CGGBP1: variants seen among roughly 807,000 people sequenced by gnomAD.
The protein encoded by CGGBP1 is CGG triplet repeat binding protein 1.
Under a neutral mutation model 11.4 loss-of-function variants are expected in CGGBP1, and 4 were observed. That is an observed-to-expected ratio of 0.35 (90% CI 0.17 to 0.80). CGGBP1 has a LOEUF of 0.80. Ranked by LOEUF, CGGBP1 falls within the 30% of genes least tolerant of loss-of-function variation. CGGBP1 has a pLI of 0.52. For synonymous variants in CGGBP1, 76 were observed against 74.1 expected, an observed-to-expected ratio of 1.03 and a Z score of -0.13; for missense variants, 135 against 202.1, an observed-to-expected ratio of 0.67 and a Z score of 2.01.
At chr3:88,102,212 T>C (rs2107721504) in intron 2 of CGGBP1, among the ~76,000 whole-genome samples, 1 of 152,248 alleles carries the variant, frequency 6.6e-6, no homozygotes, top group African/African-American at 2.4e-5. Context: ...TTCTTGGATC[T>C]GTGGGCTTAC....
chr3:88,065,598 T>C (rs1707151256), intron 2 of CGGBP1, among the ~76,000 whole-genome samples: 1 of 152,202 alleles, frequency 6.6e-6, no homozygotes, highest in Non-Finnish European at 1.5e-5. Context: ...GGTATGCTTA[T>C]GGCTGAATTT....
intron 2 of CGGBP1, among the ~76,000 whole-genome samples, chr3:88,134,122 G>C (rs1280523161): frequency 6.6e-6 from 1 of 151,654 alleles, no homozygotes; most frequent in Admixed American, 6.6e-5. Flanking sequence ...AAAAGGTGGG[G>C]GGTAGTGGAC....
At chr3:88,095,867 C>T in intron 2 of CGGBP1, 1 of 451,754 alleles carries the variant, frequency 2.2e-6, no homozygotes, top group Non-Finnish European at 4.3e-6. Context: ...TCAGCAGATA[C>T]TCCACTTGCC....
chr3:88,085,324 C>T (rs1448477842), intron 2 of CGGBP1, among the ~76,000 whole-genome samples: 1 of 152,204 alleles, frequency 6.6e-6, no homozygotes, highest in Non-Finnish European at 1.5e-5. Flanking sequence ...AAAGCAGCCA[C>T]AGACAATACA....
At chr3:88,147,810 T>C (rs776143294) in intron 1 of CGGBP1, among the ~76,000 whole-genome samples, 20 of 152,148 alleles carry the variant, frequency 1.3e-4, no homozygotes, top group Admixed American at 4.6e-4. Context: ...TGTCTGGAGG[T>C]AATTTTGGTT....
Position 88,134,998 on chromosome 3 carries a change from T to C in CGGBP1, c.-229+5972A>G, listed in dbSNP as rs1034846435. ...AGGGCACTATAGAATCAGGGAAAGA[T>C]AGCTAATGTCTGTATTTGAATAAAC... On this transcript the variant is annotated intron_variant, in intron 2 of 3. Transcript: ENST00000462901. The C allele has an allele frequency of 1.2e-5, 14 of 1,162,022 alleles. No homozygotes were observed. In the African/African-American group the frequency reaches 1.4e-4, roughly 12 times the overall value. The allele number at this position is 1,162,022 out of a possible 1,614,324, so 72.0% of individuals were successfully genotyped here.
At chr3:88,113,236 A>C in intron 2 of CGGBP1, 1 of 1,279,470 alleles carries the variant, frequency 7.8e-7, no homozygotes, top group Non-Finnish European at 1.1e-6. Flanking sequence ...GTCTACACTT[A>C]AAATAGACCA....
chr3:88,109,997 TG>T (rs1471030320), intron 2 of CGGBP1, among the ~76,000 whole-genome samples: 4 of 152,128 alleles, frequency 2.6e-5, no homozygotes, highest in South Asian at 4.1e-4. Context: ...AATTGACATA[TG>T]CATAGCTGAG....
At chr3:88,070,574 T>A (rs1180312576) in intron 2 of CGGBP1, among the ~76,000 whole-genome samples, 1 of 19,692 alleles carries the variant, frequency 5.1e-5, no homozygotes, top group African/African-American at 6.0e-5. Flanking sequence ...TTTTTTTTTT[T>A]TTTTTTTTTT....
chr3:88,106,761 T>G (rs1704765116), intron 2 of CGGBP1, among the ~76,000 whole-genome samples: 1 of 152,218 alleles, frequency 6.6e-6, no homozygotes, highest in African/African-American at 2.4e-5. Context: ...TGCTTCTGAG[T>G]TTCTTATCAT....
chr3:88,109,142 A>AGTGTGTGTGTGTGTGT lies in CGGBP1; in HGVS notation c.-229+31812_-229+31827dup, dbSNP rs35595112. ...TATCCCCTGTGGATAAGTGGGCACT[A>AGTGTGTGTGTGTGTGT]GTGTGTGTGTGTGTGTGTGTGTGTG... On this transcript the variant is annotated intron_variant, in intron 2 of 3. Coordinates refer to the CGGBP1 transcript ENST00000462901. 4.1e-3 allele frequency among the ~76,000 whole-genome samples: 583 copies of AGTGTGTGTGTGTGTGT among 142,510 alleles called. 6 individuals carry two copies. Among genetic ancestry groups the AGTGTGTGTGTGTGTGT allele is most frequent in the Non-Finnish European group, 5.3e-3 (349 of 65,316 alleles). 93.5% of individuals were successfully genotyped at this position (142,510 alleles called of 152,430 possible).
chr3:88,106,621 G>T (rs1406590525), intron 2 of CGGBP1, among the ~76,000 whole-genome samples: 1 of 152,178 alleles, frequency 6.6e-6, no homozygotes, highest in Non-Finnish European at 1.5e-5. Context: ...GGGATTACAG[G>T]TGTGAGCCAC....
At chr3:88,128,244 T>C (rs1186165837) in intron 2 of CGGBP1, among the ~76,000 whole-genome samples, 1 of 152,154 alleles carries the variant, frequency 6.6e-6, no homozygotes, top group African/African-American at 2.4e-5. Context: ...TTATCCTTAG[T>C]AATACATAAA....
At chr3:88,088,586 A>G (rs1708458296) in intron 2 of CGGBP1, among the ~76,000 whole-genome samples, 1 of 152,234 alleles carries the variant, frequency 6.6e-6, no homozygotes, top group Non-Finnish European at 1.5e-5. Flanking sequence ...GAAATCCAGA[A>G]TGTAAAACAA....
intron 1 of CGGBP1, chr3:88,141,619 A>G (rs1265506591): frequency 6.8e-7 from 1 of 1,464,702 alleles, no homozygotes; most frequent in Non-Finnish European, 9.2e-7. Context: ...TAAAACTTGC[A>G]TTAACAGATG....
chr3:88,138,266 T>A (rs1410852535), intron 2 of CGGBP1, among the ~76,000 whole-genome samples: 1 of 152,134 alleles, frequency 6.6e-6, no homozygotes. Flanking sequence ...CCATAAGCAG[T>A]TTTTTTAAGC....
At chr3:88,073,890 T>G (rs1488515796) in intron 2 of CGGBP1, among the ~76,000 whole-genome samples, 1 of 152,236 alleles carries the variant, frequency 6.6e-6, no homozygotes, top group Non-Finnish European at 1.5e-5. Context: ...AAACTCATAA[T>G]TTATTTTCTC....
chr3:88,096,890 T>A (rs1393138647), intron 2 of CGGBP1, among the ~76,000 whole-genome samples: 1 of 152,096 alleles, frequency 6.6e-6, no homozygotes, highest in African/African-American at 2.4e-5. Context: ...AATGCATATA[T>A]AAGAAAAAAA....
intron 2 of CGGBP1, among the ~76,000 whole-genome samples, chr3:88,122,024 G>T (rs1705798969): frequency 6.6e-6 from 1 of 152,146 alleles, no homozygotes; most frequent in African/African-American, 2.4e-5. Context: ...CTAAGAAGAT[G>T]TCAACACTTA....
Sources: allele counts gnomAD v4.1 joint callset (sites outside exome capture counted in the v4.1 genomes callset), GRCh38; gene constraint gnomAD v4.1.1; transcripts MANE v1.5; gene names NCBI Gene and HGNC (gene_info 2026-07-23, HGNC 2026-07-21).